SLIT1: variants seen among roughly 807,000 people sequenced by gnomAD.
SLIT1 encodes slit homolog 1 protein.
Under a neutral mutation model 186.1 loss-of-function variants are expected in SLIT1, and 66 were observed. That is an observed-to-expected ratio of 0.35 (90% confidence interval 0.29 to 0.44). The LOEUF is 0.44. Ranked by LOEUF, SLIT1 falls within the 20% of genes least tolerant of loss-of-function variation. The pLI is 1.00. For missense variants in SLIT1, 1,638 were observed against 2,037.4 expected (o/e 0.80, Z 3.77); for synonymous variants, 761 against 833.8 (o/e 0.91, Z 1.50).
Position 97,056,340 on chromosome 10 carries a change from G to A in SLIT1, c.1282C>T (p.Leu428=). 1 of 1,614,190 alleles carries A rather than the reference G, an allele frequency of 6.2e-7. No individual in the cohort carries two copies. The highest frequency in any genetic ancestry group is 8.5e-7 in the Non-Finnish European group (1 of 1,180,008). The change falls in exon 13 of 37, where the codon CTG becomes TTG. Residue 428 remains leucine (L), a synonymous_variant. Coordinates refer to ENST00000266058, the MANE Select transcript of SLIT1 (RefSeq NM_003061.3). Reference sequence around the variant, plus strand: ...ACTCACAGAGTCTGGATGGCCCGCAGGGAGGTGAAAGTGCCCTTGGCGAGG... The same window carrying A: ...ACTCACAGAGTCTGGATGGCCCGCAAGGAGGTGAAAGTGCCCTTGGCGAGG... ...QSLAKGTFTS[L]RAIQTLHLAQ...
chr10:97,007,417 G>A (rs1276655387), intron 31 of SLIT1, among the ~76,000 whole-genome samples: 1 of 151,798 alleles, frequency 6.6e-6, no homozygotes, highest in African/African-American at 2.4e-5. Context: ...AAAAAATGAG[G>A]GAACACTTTC....
At position 97,177,604 on chromosome 10, in the gene SLIT1, C is replaced by T. The variant is rs553435918; in HGVS notation, c.197+7874G>A. 2.8e-4 allele frequency among the ~76,000 whole-genome samples: 43 copies of T among 152,130 alleles called. No homozygotes were observed. In the Middle Eastern group the frequency reaches 0.01, roughly 36 times the overall value. ...TCTAACCATGTTAAAGTCAAGGTGGCGGCAGGACATTAACGGCGGATTGGA... is the reference window on the plus strand; with the variant it reads ...TCTAACCATGTTAAAGTCAAGGTGGTGGCAGGACATTAACGGCGGATTGGA... On this transcript the variant is annotated intron_variant, in intron 1 of 36. Coordinates refer to ENST00000266058, the MANE Select transcript of SLIT1 (RefSeq NM_003061.3).
At chr10:97,163,684 C>T (rs1294075707) in intron 2 of SLIT1, among the ~76,000 whole-genome samples, 1 of 152,214 alleles carries the variant, frequency 6.6e-6, no homozygotes, top group African/African-American at 2.4e-5. Flanking sequence ...CAGCATCTTA[C>T]CTCACCACAA....
rs1239979356 is a variant in SLIT1, at chr10:97,058,002, T to C, written c.1086-721A>G. ...ATCCTGGGTACTTCCTCTTCAAACATGGCTTCAAGGTCATTCCTGGAGTGA... is the reference window on the plus strand; with the variant it reads ...ATCCTGGGTACTTCCTCTTCAAACACGGCTTCAAGGTCATTCCTGGAGTGA... On this transcript the variant is annotated intron_variant, in intron 11 of 36. Transcript: ENST00000266058. The C allele has an allele frequency of 5.6e-6, 4 of 717,460 alleles. No homozygotes were observed. The South Asian group carries it at 5.9e-5, about 11-fold the overall frequency. 44.4% of individuals were successfully genotyped at this position (717,460 alleles called of 1,614,324 possible).
intron 25 of SLIT1, among the ~76,000 whole-genome samples, chr10:97,026,577 A>G (rs1299070030): frequency 1.3e-5 from 2 of 152,196 alleles, no homozygotes; most frequent in East Asian, 3.8e-4. Flanking sequence ...TAATCCTTCC[A>G]TATTTCCTTT....
At chr10:97,073,634 A>C (rs1849020876) in intron 4 of SLIT1, among the ~76,000 whole-genome samples, 1 of 152,152 alleles carries the variant, frequency 6.6e-6, no homozygotes, top group African/African-American at 2.4e-5. Flanking sequence ...CAGACTTCTG[A>C]CAAGCACCTG....
In SLIT1 at chr10:97,020,860, G is replaced by A. The variant is rs147435380; in HGVS notation, c.2746+390C>T. Among the ~76,000 whole-genome samples the A allele has an allele frequency of 3.7e-3, 560 of 152,344 alleles. 2 individuals carry two copies. The highest frequency in any genetic ancestry group is 0.012 in the African/African-American group (519 of 41,582). ...CCAGCTCTGTATTTCTGTAAATGTC[G>A]GGAGAGTGGCTGCTGGGACCCTTGC... On this transcript the variant is annotated intron_variant, in intron 26 of 36. Transcript: ENST00000266058.
intron 5 of SLIT1, chr10:97,065,554 C>T (rs1382250953): frequency 1.2e-5 from 2 of 163,632 alleles, no homozygotes; most frequent in African/African-American, 4.8e-5. Context: ...TTCATTTAAA[C>T]CTCAGAACAT....
At chr10:97,085,395 T>TG (rs372226215) in intron 4 of SLIT1, among the ~76,000 whole-genome samples, 1 of 151,990 alleles carries the variant, frequency 6.6e-6, no homozygotes, top group African/African-American at 2.4e-5. Flanking sequence ...ACTTTTTTTT[T>TG]TTTTGTTTTT....
rs112549924 is a variant in SLIT1, at chr10:97,136,582, A to G, written c.413+21236T>C. Among the ~76,000 whole-genome samples, 658 of 152,306 alleles carry G rather than the reference A, an allele frequency of 4.3e-3. 6 individuals carry two copies. The highest frequency in any genetic ancestry group is 0.015 in the African/African-American group (628 of 41,552). On this transcript the variant is annotated intron_variant, in intron 4 of 36. Coordinates refer to ENST00000266058, the MANE Select transcript of SLIT1 (RefSeq NM_003061.3). The stretch of plus-strand genomic sequence containing the variant: ...TGCCCCCACAACAAACAAACAACCC[A>G]TCTCCTTACACGAAAATAAAAAACA...
chr10:97,110,476 A>C (rs984724455), intron 4 of SLIT1, among the ~76,000 whole-genome samples: 1 of 152,254 alleles, frequency 6.6e-6, no homozygotes, highest in African/African-American at 2.4e-5. Context: ...AATAGTGAAA[A>C]ATGCATGAAC....
At position 96,998,524 on chromosome 10, in the gene SLIT1, G is replaced by C. The variant is rs1848269277; in HGVS notation, c.*2588C>G. 6.6e-6 allele frequency: 1 copy of C among 152,332 alleles called. No individual in the cohort carries two copies. Among genetic ancestry groups the C allele is most frequent in the East Asian group, 1.9e-4 (1 of 5,194 alleles). The allele number at this position is 152,332 out of a possible 1,614,324, so 9.4% of individuals were successfully genotyped here. A position where few individuals can be genotyped will look rare whatever the true frequency, so the allele number is the denominator to read the frequency against. Reference sequence around the variant, plus strand: ...TAGGGGTCTTCACAAAGGGGGACAAGATGTGGAGAGAGGACTTCTCAGAGG... The same window carrying C: ...TAGGGGTCTTCACAAAGGGGGACAACATGTGGAGAGAGGACTTCTCAGAGG... On this transcript the variant is annotated 3_prime_UTR_variant, in exon 37 of 37. Coordinates refer to ENST00000266058, the MANE Select transcript of SLIT1 (RefSeq NM_003061.3).
chr10:97,008,784 A>G (rs1848385169), intron 31 of SLIT1, among the ~76,000 whole-genome samples: 2 of 152,078 alleles, frequency 1.3e-5, no homozygotes, highest in South Asian at 4.1e-4. Context: ...TTCTTTGCAG[A>G]ACTCAACATG....
intron 4 of SLIT1, among the ~76,000 whole-genome samples, chr10:97,152,600 G>A (rs555215160): frequency 3.1e-4 from 47 of 152,310 alleles, no homozygotes; most frequent in African/African-American, 1.0e-3. Context: ...TAAAGGAAAC[G>A]CTGCAACATC....
At chr10:97,087,099 T>TAAAA (rs35370922) in intron 4 of SLIT1, among the ~76,000 whole-genome samples, 1 of 140,780 alleles carries the variant, frequency 7.1e-6, no homozygotes. Context: ...TTAAAACAAT[T>TAAAA]AAAAAAAAAA....
chr10:97,106,426 A>T (rs1257513442), intron 4 of SLIT1, among the ~76,000 whole-genome samples: 1 of 152,146 alleles, frequency 6.6e-6, no homozygotes, highest in Non-Finnish European at 1.5e-5. Flanking sequence ...GAATGAATGA[A>T]TGAAGCCTGG....
Position 97,185,872 on chromosome 10 carries a change from T to TGGGCGGAGGGGGCTCGGCTCCTC in SLIT1, c.-221_-199dup. 2.0e-6 allele frequency: 1 copy of TGGGCGGAGGGGGCTCGGCTCCTC among 508,202 alleles called. No homozygotes were observed. Among genetic ancestry groups the TGGGCGGAGGGGGCTCGGCTCCTC allele is most frequent in the Non-Finnish European group, 3.4e-6 (1 of 295,144 alleles). The allele number at this position is 508,202 out of a possible 1,614,324, so 31.5% of individuals were successfully genotyped here. On this transcript the variant is annotated 5_prime_UTR_variant, in exon 1 of 37. Coordinates refer to ENST00000266058, the MANE Select transcript of SLIT1 (RefSeq NM_003061.3). ...GTGCGCGGACGGAGGGAGGGCGCCTTGGGCGGAGGGGGCTCGGCTCCTCTG... is the reference window on the plus strand; with the variant it reads ...GTGCGCGGACGGAGGGAGGGCGCCTTGGGCGGAGGGGGCTCGGCTCCTCGGGCGGAGGGGGCTCGGCTCCTCTG...
At chr10:97,098,604 A>G (rs917904832) in intron 4 of SLIT1, among the ~76,000 whole-genome samples, 1 of 152,228 alleles carries the variant, frequency 6.6e-6, no homozygotes, top group African/African-American at 2.4e-5. Context: ...GCAGGTGCCC[A>G]AGGCCTTTGA....
chr10:97,048,999 T>C lies in SLIT1; in HGVS notation c.1421A>G (p.Asn474Ser). The C allele has an allele frequency of 2.5e-6, 4 of 1,610,412 alleles. No individual in the cohort carries two copies. Among genetic ancestry groups the C allele is most frequent in the African/African-American group, 2.7e-5 (2 of 74,070 alleles). ...GCTCTTGATCTGCCCGATGCGCTTG[T>C]TGGCGAGGCGCCGGGGACTGGCACA... Reference protein sequence around the residue: ...ARCASPRRLANKRIGQIKSKK... With the variant: ...ARCASPRRLASKRIGQIKSKK... The change falls in exon 14 of 37, where the codon AAC becomes AGC. Residue 474 changes from asparagine (N) to serine (S), a missense_variant. Physicochemically the swap from Asn to Ser is conservative, Grantham distance 46. This residue lies in a region of SLIT1 where 1,245 missense variants were observed against 1,535.3 expected (regional missense o/e 0.81). Coordinates refer to ENST00000266058, the MANE Select transcript of SLIT1 (RefSeq NM_003061.3).
Sources: allele counts gnomAD v4.1 joint callset (sites outside exome capture counted in the v4.1 genomes callset), GRCh38; gene constraint gnomAD v4.1.1; regional missense constraint gnomAD v4.1.1; transcripts MANE v1.5; gene names NCBI Gene and HGNC (gene_info 2026-07-23, HGNC 2026-07-21).